The following KIAA1549L variants were observed in gnomAD, a reference collection of about 807,000 sequenced individuals.
KIAA1549L encodes KIAA1549 like, also known as UPF0606 protein KIAA1549L.
In KIAA1549L, 88 loss-of-function variants were observed where a neutral mutation model predicts 160.7. That is an observed-to-expected ratio of 0.55 (90% CI 0.46 to 0.65). The LOEUF (loss-of-function observed/expected upper bound fraction) is 0.65. KIAA1549L is among the 30% of genes least tolerant of loss of function. KIAA1549L has a pLI of 0.00. For synonymous variants in KIAA1549L, 950 were observed against 976.7 expected, an observed-to-expected ratio of 0.97 and a Z score of 0.51; for missense variants, 2,258 against 2,437.5, an observed-to-expected ratio of 0.93 and a Z score of 1.55.
rs779851102 is a variant in KIAA1549L at position 33,574,888 on chromosome 11, T to C, written c.4402+15T>C. On this transcript the variant is annotated intron_variant, in intron 10 of 20. Coordinates refer to ENST00000658780, the MANE Select transcript of KIAA1549L (RefSeq NM_012194.3). ...GCAAGCTGACCGTAAGGGAATGGTC[T>C]TTTTATTCAGTCTTTTTAATGCCAT... 13 of 1,604,048 alleles carry C rather than the reference T, an allele frequency of 8.1e-6. No individual in the cohort carries two copies. In the Admixed American group the frequency reaches 2.2e-4, roughly 27 times the overall value.
intron 1 of KIAA1549L, among the ~76,000 whole-genome samples, chr11:33,449,314 A>G (rs1851675459): frequency 6.7e-6 from 1 of 150,230 alleles, no homozygotes; most frequent in Non-Finnish European, 1.5e-5. Flanking sequence ...TCTTCTTTGG[A>G]GCTTACATTT....
At position 33,416,462 on chromosome 11, in the gene KIAA1549L, G is replaced by GA. The variant is rs559782323; in HGVS notation, c.238+39583dup. ...ACCAACTTGCAGCTCAAAAATGTTT[G>GA]AAAAAAAAAACCAACACAACAATAA... On this transcript the variant is annotated intron_variant, in intron 1 of 20. Transcript: ENST00000658780. Among the ~76,000 whole-genome samples the GA allele has an allele frequency of 1.7e-3, 245 of 140,942 alleles. 1 individual carries two copies. Among genetic ancestry groups the GA allele is most frequent in the South Asian group, 8.5e-3 (38 of 4,462 alleles). 92.5% of individuals were successfully genotyped at this position (140,942 alleles called of 152,430 possible).
At position 33,523,078 on chromosome 11, in the gene KIAA1549L, A is replaced by C. The variant is rs543364612; in HGVS notation, c.239-18724A>C. On this transcript the variant is annotated intron_variant, in intron 1 of 20. Transcript: ENST00000658780. ...ATAATTTGTCAGCCATGGAATGACA[A>C]AGAGTGTGTTTTCTGATTCTACAAT... Among the ~76,000 whole-genome samples, 3 of 152,192 alleles carry C rather than the reference A, an allele frequency of 2.0e-5. No individual in the cohort carries two copies. The East Asian group carries it at 5.8e-4, about 29-fold the overall frequency.
chr11:33,421,279 G>A (rs547868107), intron 1 of KIAA1549L, among the ~76,000 whole-genome samples: 2 of 152,118 alleles, frequency 1.3e-5, no homozygotes, highest in African/African-American at 4.8e-5. Context: ...GTGTGCACTG[G>A]GGCTGTAGCA....
intron 15 of KIAA1549L, among the ~76,000 whole-genome samples, chr11:33,615,126 A>G (rs1850775422): frequency 6.6e-6 from 1 of 151,984 alleles, no homozygotes; most frequent in South Asian, 2.1e-4. Context: ...TGCTTCCTGG[A>G]GCCACCTCCC....
chr11:33,557,340 AGATT>A (rs763739255), intron 6 of KIAA1549L, among the ~76,000 whole-genome samples: 130 of 151,978 alleles, frequency 8.6e-4, no homozygotes, highest in Non-Finnish European at 1.6e-3. Flanking sequence ...ATAGAGATAA[AGATT>A]GAAAAGTTTT....
intron 1 of KIAA1549L, among the ~76,000 whole-genome samples, chr11:33,385,306 C>G (rs912751691): frequency 6.6e-6 from 1 of 152,222 alleles, no homozygotes; most frequent in Non-Finnish European, 1.5e-5. Context: ...TATGCCAGTA[C>G]AACACTGTCT....
At chr11:33,596,567 G>A (rs1850205495) in intron 12 of KIAA1549L, among the ~76,000 whole-genome samples, 1 of 152,018 alleles carries the variant, frequency 6.6e-6, no homozygotes. Flanking sequence ...TGAAACCCCA[G>A]CTCTACTAAA....
At chr11:33,487,663 C>T (rs919847741) in intron 1 of KIAA1549L, among the ~76,000 whole-genome samples, 1 of 152,100 alleles carries the variant, frequency 6.6e-6, no homozygotes, top group Non-Finnish European at 1.5e-5. Flanking sequence ...ACTTGAAACC[C>T]ATCCTCAGAG....
chr11:33,530,910 C>T (rs1192262888), intron 1 of KIAA1549L, among the ~76,000 whole-genome samples: 2 of 152,126 alleles, frequency 1.3e-5, no homozygotes, highest in African/African-American at 4.8e-5. Context: ...AGAGAAAAGG[C>T]AGTGCGAAGT....
intron 1 of KIAA1549L, among the ~76,000 whole-genome samples, chr11:33,440,765 A>G (rs1043295600): frequency 3.3e-5 from 5 of 152,180 alleles, no homozygotes; most frequent in African/African-American, 1.2e-4. Flanking sequence ...TTCTGAGCAT[A>G]TCCCTTAAAA....
chr11:33,637,459 C>A (rs1473586036), intron 16 of KIAA1549L, among the ~76,000 whole-genome samples: 1 of 152,254 alleles, frequency 6.6e-6, no homozygotes, highest in African/African-American at 2.4e-5. Context: ...TAAGACCCTG[C>A]ATGATCTGGA....
intron 6 of KIAA1549L, among the ~76,000 whole-genome samples, chr11:33,552,678 A>G (rs1256549141): frequency 6.8e-6 from 1 of 147,330 alleles, no homozygotes; most frequent in Non-Finnish European, 1.5e-5. Context: ...ACACACACAC[A>G]CACACACACA....
chr11:33,626,028 G>A (rs868841525), intron 16 of KIAA1549L, among the ~76,000 whole-genome samples: 4,463 of 145,656 alleles, frequency 0.031, 194 homozygotes, highest in African/African-American at 0.098. Context: ...TCCTTTCCCC[G>A]TTGCTTGTTT....
At chr11:33,427,064 C>T (rs903446729) in intron 1 of KIAA1549L, among the ~76,000 whole-genome samples, 58 of 152,136 alleles carry the variant, frequency 3.8e-4, no homozygotes, top group Admixed American at 2.5e-3. Context: ...ACTAAATGGG[C>T]GGTAGAAAAC....
At chr11:33,614,566 ATATATATATATATATATATTTTTT>A (rs1850748812) in intron 15 of KIAA1549L, among the ~76,000 whole-genome samples, 2 of 13,986 alleles carry the variant, frequency 1.4e-4, no homozygotes, top group African/African-American at 1.4e-3. Context: ...ATATATATAT[ATATATATATATATATATATTTTTT>A]TTTTTTTTTT....
At chr11:33,591,546 A>G (rs907968764) in intron 12 of KIAA1549L, 125 bp downstream of exon 12, 2 of 757,682 alleles carry the variant, frequency 2.6e-6, no homozygotes, top group Non-Finnish European at 4.2e-6. Context: ...CTCATTTTGA[A>G]TATTTGAAAA....
intron 4 of KIAA1549L, among the ~76,000 whole-genome samples, chr11:33,550,050 AAAAAC>A (rs1343703686): frequency 1.3e-5 from 2 of 151,958 alleles, no homozygotes; most frequent in African/African-American, 4.8e-5. Flanking sequence ...AACAAAAAAA[AAAAAC>A]ACAAAATGAA....
At chr11:33,667,351 T>C (rs1378566020) in intron 20 of KIAA1549L, among the ~76,000 whole-genome samples, 1 of 152,204 alleles carries the variant, frequency 6.6e-6, no homozygotes, top group East Asian at 1.9e-4. Context: ...TTAAAACACC[T>C]ATTTAATTCA....
Sources: gnomAD v4.1 joint callset for allele counts (sites outside exome capture counted in the v4.1 genomes callset) on GRCh38, gnomAD v4.1.1 for gene constraint, MANE v1.5 for transcripts, NCBI Gene and HGNC (gene_info 2026-07-23, HGNC 2026-07-21) for gene names.